The following POLD3 variants were observed in gnomAD, a reference collection of about 807,000 sequenced individuals.
The protein encoded by POLD3 is DNA polymerase delta 3, accessory subunit, also known as DNA polymerase delta subunit 3.
Under a neutral mutation model 58.2 loss-of-function variants are expected in POLD3, and 19 were observed. The ratio of observed to expected loss-of-function variants is 0.33; its 90% CI spans 0.23 to 0.48. The LOEUF (loss-of-function observed/expected upper bound fraction) is 0.48. Ranked by LOEUF, POLD3 falls within the 20% of genes least tolerant of loss-of-function variation. POLD3 has a pLI of 0.99. For synonymous variants in POLD3, 172 were observed against 193.5 expected (o/e 0.89, Z 0.92); for missense variants, 504 against 545.5 (o/e 0.92, Z 0.76).
chr11:74,617,865 T>C (rs1260933453), intron 5 of POLD3, among the ~76,000 whole-genome samples: 1 of 152,150 alleles, frequency 6.6e-6, no homozygotes, highest in Non-Finnish European at 1.5e-5. Context: ...GCTATAGGCA[T>C]GCGCCACTAC....
rs1226195056 is a variant in POLD3 at position 74,629,251 on chromosome 11, A to G, written c.934A>G (p.Lys312Glu). The G allele has an allele frequency of 6.2e-7, 1 of 1,607,626 alleles. No homozygotes were observed. The highest frequency in any genetic ancestry group is 1.7e-5 in the Admixed American group (1 of 59,422). The change falls in exon 9 of 12, where the codon AAG becomes GAG. Residue 312 changes from lysine (K) to glutamate (E), a missense_variant. This residue lies in a region of POLD3 where 385 missense variants were observed against 370.5 expected (regional missense o/e 1.04). Transcript: ENST00000263681. The stretch of plus-strand genomic sequence containing the variant: ...AGTAGCATTATCTGATGATGAGACA[A>G]AGGAAACTGAAAACATGAGGAAAAA... Reference protein sequence around the residue: ...KRVALSDDETKETENMRKKRR... With the variant: ...KRVALSDDETEETENMRKKRR...
In POLD3 at chr11:74,642,070, A is replaced by T; in HGVS notation, c.*1304A>T. On this transcript the variant is annotated 3_prime_UTR_variant, in exon 12 of 12. Transcript: ENST00000263681. The stretch of plus-strand genomic sequence containing the variant: ...TGCTGATGTGTCTCACACGTAGCAG[A>T]CAAGGGGTGTCTGACTGGCTTCTTT... The T allele has an allele frequency of 1.0e-6, 1 of 985,484 alleles. No individual in the cohort carries two copies. The highest frequency in any genetic ancestry group is 1.2e-6 in the Non-Finnish European group (1 of 829,952). 61.0% of individuals were successfully genotyped at this position (985,484 alleles called of 1,614,324 possible). A position where few individuals can be genotyped will look rare whatever the true frequency, so the allele number is the denominator to read the frequency against.
chr11:74,604,836 G>T lies in POLD3; in HGVS notation c.219+42G>T, dbSNP rs116526985. 4 of 1,045,136 alleles carry T rather than the reference G, an allele frequency of 3.8e-6. No homozygotes were observed. The South Asian group carries it at 5.1e-5, about 13-fold the overall frequency. The allele number at this position is 1,045,136 out of a possible 1,614,324, so 64.7% of individuals were successfully genotyped here. ...TTGTAATGAGCTTAAATGTGTTTGT[G>T]TTATGAAGAGTGTTATAACATAGTT... On this transcript the variant is annotated intron_variant, in intron 3 of 11. Transcript: ENST00000263681.
chr11:74,613,339 C>T (rs186047242), intron 5 of POLD3, among the ~76,000 whole-genome samples: 25 of 152,082 alleles, frequency 1.6e-4, no homozygotes, highest in South Asian at 4.2e-4. Context: ...CCAGTTCAAA[C>T]GTTGTCCTTA....
chr11:74,620,142 C>T, intron 7 of POLD3, 53 bp downstream of exon 7: 2 of 1,303,428 alleles, frequency 1.5e-6, no homozygotes, highest in Non-Finnish European at 1.1e-6. Flanking sequence ...AATGTAATGA[C>T]ATATTATACC....
chr11:74,612,538 CT>C (rs1466852879), intron 4 of POLD3, among the ~76,000 whole-genome samples: 3 of 152,140 alleles, frequency 2.0e-5, no homozygotes, highest in African/African-American at 7.2e-5. Context: ...TTACTTAGTA[CT>C]CTTTAATTAT....
intron 9 of POLD3, among the ~76,000 whole-genome samples, chr11:74,633,041 G>A (rs891162549): frequency 6.6e-6 from 1 of 152,060 alleles, no homozygotes; most frequent in South Asian, 2.1e-4. Flanking sequence ...CTGTGAGAGA[G>A]GTCTTAGAGG....
At chr11:74,592,947 A>G in intron 1 of POLD3, 1 of 1,394,612 alleles carries the variant, frequency 7.2e-7, no homozygotes, top group East Asian at 2.7e-5. Context: ...CGTGCTGGGA[A>G]CAGAGCCTGG....
chr11:74,621,956 G>T (rs962281548), intron 7 of POLD3, among the ~76,000 whole-genome samples: 1 of 151,790 alleles, frequency 6.6e-6, no homozygotes, highest in Non-Finnish European at 1.5e-5. Context: ...TGCCATGCTG[G>T]TGTGCTGCAC....
Position 74,665,195 on chromosome 11 carries a change from G to A in POLD3, c.370-3582G>A, listed in dbSNP as rs368315218. 1.4e-4 allele frequency among the ~76,000 whole-genome samples: 21 copies of A among 150,314 alleles called. No individual in the cohort carries two copies. In the East Asian group the frequency reaches 1.8e-3, roughly 13 times the overall value. ...TAGCTTGGCATGGGGCTGCATGCCT[G>A]TAGTCCCAGCTGCCTGGCAGGATGA... On this transcript the variant is annotated intron_variant, in intron 4 of 4. Transcript: ENST00000524752.
In POLD3 at chr11:74,642,047, C is replaced by T. The variant is rs973155582; in HGVS notation, c.*1281C>T. The stretch of plus-strand genomic sequence containing the variant: ...CTGCGGAAGGGGTCAGGCTCAACTG[C>T]TGATGTGTCTCACACGTAGCAGACA... On this transcript the variant is annotated 3_prime_UTR_variant, in exon 12 of 12. Transcript: ENST00000263681. 1.0e-6 allele frequency: 1 copy of T among 985,328 alleles called. No individual in the cohort carries two copies. Among genetic ancestry groups the T allele is most frequent in the African/African-American group, 1.7e-5 (1 of 57,234 alleles). 61.0% of individuals were successfully genotyped at this position (985,328 alleles called of 1,614,324 possible).
At chr11:74,602,402 A>C (rs887332671) in intron 2 of POLD3, among the ~76,000 whole-genome samples, 7 of 152,040 alleles carry the variant, frequency 4.6e-5, no homozygotes, top group Non-Finnish European at 8.8e-5. Flanking sequence ...CTTTTCCCCC[A>C]TCTCAGTGAA....
At chr11:74,597,447 G>A (rs775234264) in intron 2 of POLD3, among the ~76,000 whole-genome samples, 8 of 152,172 alleles carry the variant, frequency 5.3e-5, no homozygotes, top group Non-Finnish European at 1.0e-4. Context: ...TACAGATCGT[G>A]TGCTTGTTAG....
chr11:74,595,479 T>C (rs534397821), intron 2 of POLD3: 49 of 152,256 alleles, frequency 3.2e-4, no homozygotes, highest in African/African-American at 1.1e-3. Context: ...GTATTTTTGG[T>C]TGTTGTTGAG....
In POLD3 at chr11:74,607,252, T is replaced by C. The variant is rs55636340; in HGVS notation, c.219+2458T>C. Among the ~76,000 whole-genome samples the C allele has an allele frequency of 7.1e-4, 103 of 144,940 alleles. 1 individual carries two copies. The highest frequency in any genetic ancestry group is 2.6e-3 in the African/African-American group (100 of 39,000). On this transcript the variant is annotated intron_variant, in intron 3 of 11. Transcript: ENST00000263681. ...TTTATTATTATTATTATATATTTAT[T>C]TATTTATTTATTTATTTATTTATTT...
Position 74,620,041 on chromosome 11 carries a change from C to T in POLD3, c.685C>T (p.Pro229Ser). Residue 229 changes from proline (P) to serine (S), a missense_variant, in exon 7 of 12, where the codon CCA (proline) becomes TCA (serine). Around this residue, in one of 2 missense-constraint regions of POLD3, gnomAD observed 385 missense variants for 370.5 expected, o/e 1.04. Coordinates refer to ENST00000263681, the MANE Select transcript of POLD3 (RefSeq NM_006591.3). The part of the protein sequence containing the change: ...TNASAAGNKA[P>S]GKGNMMSNFF... ...GGCATCTGCAGCAGGCAACAAGGCA[C>T]CAGGGAAAGGGAATATGATGAGCAA... is the stretch of plus-strand genomic sequence containing the variant. 4 of 1,613,740 alleles carry T rather than the reference C, an allele frequency of 2.5e-6. No individual in the cohort carries two copies. Among genetic ancestry groups the T allele is most frequent in the Non-Finnish European group, 3.4e-6 (4 of 1,179,724 alleles).
At chr11:74,621,981 T>A (rs2032276293) in intron 7 of POLD3, among the ~76,000 whole-genome samples, 1 of 152,038 alleles carries the variant, frequency 6.6e-6, no homozygotes, top group South Asian at 2.1e-4. Context: ...TAACTCGTCA[T>A]TTAGCACTAG....
intron 4 of POLD3, among the ~76,000 whole-genome samples, chr11:74,663,749 C>T (rs1353322819): frequency 6.6e-6 from 1 of 152,040 alleles, no homozygotes; most frequent in African/African-American, 2.4e-5. Flanking sequence ...AAAGAAACAT[C>T]AATAAAATGG....
downstream of POLD3, among the ~76,000 whole-genome samples, chr11:74,646,969 G>A (rs35537155): frequency 0.04 from 6,071 of 152,308 alleles, 174 homozygotes; most frequent in South Asian, 0.12. Context: ...GCCAGATAGG[G>A]GAGATGGTTT....
Sources: allele counts gnomAD v4.1 joint callset (sites outside exome capture counted in the v4.1 genomes callset), GRCh38; gene constraint gnomAD v4.1.1; regional missense constraint gnomAD v4.1.1; transcripts MANE v1.5; gene names NCBI Gene and HGNC (gene_info 2026-07-23, HGNC 2026-07-21).